The following DOCK1 variants were observed in gnomAD, a reference collection of about 807,000 sequenced individuals.
DOCK1 encodes the protein dedicator of cytokinesis 1.
DOCK1 carries 138 observed loss-of-function variants against 262.7 expected under a neutral mutation model. The ratio of observed to expected loss-of-function variants is 0.53; its 90% CI spans 0.46 to 0.61. The LOEUF (loss-of-function observed/expected upper bound fraction) is 0.61. DOCK1 is among the 20% of genes least tolerant of loss of function. The pLI, the probability that DOCK1 is intolerant of heterozygous loss-of-function variation, is 0.00. For missense variants in DOCK1, 1,908 were observed against 2,370.7 expected (o/e 0.80, Z 4.05); for synonymous variants, 866 against 867.4 (o/e 1.00, Z 0.03).
intron 29 of DOCK1, among the ~76,000 whole-genome samples, chr10:127,320,424 C>T (rs577024420): frequency 6.6e-5 from 10 of 152,278 alleles, no homozygotes; most frequent in Admixed American, 4.6e-4. Context: ...CCCAGGGCTC[C>T]CTTGAGCGCG....
chr10:127,433,228 C>G, intron 47 of DOCK1, 55 bp from the exon 48 acceptor site: 1 of 1,599,298 alleles, frequency 6.3e-7, no homozygotes, highest in Non-Finnish European at 8.5e-7. Flanking sequence ...AGGAGTCTGA[C>G]CATGGCAGGC....
chr10:127,386,830 G>A (rs1025799442), intron 38 of DOCK1, among the ~76,000 whole-genome samples: 3 of 152,170 alleles, frequency 2.0e-5, no homozygotes, highest in Non-Finnish European at 4.4e-5. Context: ...CAAAAAGGTT[G>A]GGGACCGCTG....
chr10:127,225,803 G>T (rs1042634925), intron 27 of DOCK1, among the ~76,000 whole-genome samples: 5 of 152,184 alleles, frequency 3.3e-5, no homozygotes, highest in Admixed American at 6.5e-5. Context: ...AGTTGGACGG[G>T]CATGGTGGCT....
chr10:127,424,294 G>A (rs115381860), intron 46 of DOCK1, among the ~76,000 whole-genome samples: 70 of 152,260 alleles, frequency 4.6e-4, no homozygotes, highest in African/African-American at 1.7e-3. Context: ...TGCAGTTCGA[G>A]CAGCACAAGC....
chr10:127,384,692 A>G (rs1391080301), intron 37 of DOCK1, 98 bp from the exon 38 acceptor site: 2 of 1,364,214 alleles, frequency 1.5e-6, no homozygotes, highest in East Asian at 2.7e-5. Context: ...TGTCTCCAGA[A>G]CCGCGGCCCA....
rs186076574 is a variant in DOCK1, at chr10:126,980,730, A to G, written c.172-1188A>G. Among the ~76,000 whole-genome samples the G allele has an allele frequency of 1.0e-3, 148 of 145,892 alleles. 4 individuals are homozygous for G. In the East Asian group the frequency reaches 0.03, roughly 30 times the overall value. On this transcript the variant is annotated intron_variant, in intron 3 of 51. Transcript: ENST00000623213. ...CATCATTCAGGGCTGAATGCCGGGG[A>G]AACCCATGCAGAAGCTTCCATTCCC...
At chr10:127,402,584 C>G (rs1175743193) in intron 38 of DOCK1, 1 of 495,854 alleles carries the variant, frequency 2.0e-6, no homozygotes, top group Non-Finnish European at 4.1e-6. Flanking sequence ...CCTGTTATTT[C>G]TGATCATTGG....
intron 27 of DOCK1, among the ~76,000 whole-genome samples, chr10:127,182,092 C>T (rs1156381179): frequency 6.6e-6 from 1 of 152,042 alleles, no homozygotes; most frequent in Non-Finnish European, 1.5e-5. Context: ...ACTATGGCTC[C>T]TTGGAGGAAA....
intron 27 of DOCK1, among the ~76,000 whole-genome samples, chr10:127,212,993 A>C (rs1425160928): frequency 1.3e-5 from 2 of 152,224 alleles, no homozygotes; most frequent in African/African-American, 4.8e-5. Context: ...AGGATGTATG[A>C]AGTCAAAGCT....
At chr10:127,419,515 G>A (rs1222773235) in intron 45 of DOCK1, 151 bp from the exon 46 acceptor site, 3 of 687,936 alleles carry the variant, frequency 4.4e-6, no homozygotes, top group South Asian at 1.8e-5. Context: ...TGTCCTGGGT[G>A]CTGCGAAGGG....
At chr10:127,116,519 TGATA>T (rs2049189578) in intron 25 of DOCK1, among the ~76,000 whole-genome samples, 1 of 152,276 alleles carries the variant, frequency 6.6e-6, no homozygotes, top group East Asian at 1.9e-4. Context: ...ATTTGATCCA[TGATA>T]GAAATTTATA....
intron 1 of DOCK1, among the ~76,000 whole-genome samples, chr10:126,950,539 C>A (rs905762110): frequency 9.9e-5 from 15 of 152,068 alleles, no homozygotes; most frequent in African/African-American, 3.6e-4. Flanking sequence ...TTGTCACTGT[C>A]CCTTTGAAGC....
At chr10:127,157,397 G>C (rs1409859241) in intron 27 of DOCK1, among the ~76,000 whole-genome samples, 1 of 152,228 alleles carries the variant, frequency 6.6e-6, no homozygotes, top group Non-Finnish European at 1.5e-5. Context: ...TATAAAATGA[G>C]AGGCCCTTTG....
chr10:127,436,328 G>T (rs913665724), intron 48 of DOCK1, among the ~76,000 whole-genome samples: 20 of 152,060 alleles, frequency 1.3e-4, no homozygotes, highest in African/African-American at 4.6e-4. Flanking sequence ...ACCAGCCTAG[G>T]CAACATAACA....
In DOCK1 at chr10:127,012,277, A is replaced by G; in HGVS notation, c.1104A>G (p.Ser368=). The G allele has an allele frequency of 1.9e-6, 3 of 1,613,760 alleles. No individual in the cohort carries two copies. Among genetic ancestry groups the G allele is most frequent in the Non-Finnish European group, 2.5e-6 (3 of 1,179,736 alleles). ...TTCGACACAAGCCGCTGAACATGTC[A>G]TCCCGTTTTTCACCCAGGGTGGCAG... ...DAIRHKPLNM[S]SRFSPRVAGE... Residue 368 remains serine, a synonymous_variant, in exon 12 of 52, where the codon TCA becomes TCG. Coordinates refer to ENST00000623213, the MANE Select transcript of DOCK1 (RefSeq NM_001290223.2). The surrounding 1 kb of genome is among the most constrained non-coding windows in gnomAD (Gnocchi z 4.0).
intron 29 of DOCK1, among the ~76,000 whole-genome samples, chr10:127,274,766 A>G (rs1374714549): frequency 6.6e-6 from 1 of 152,164 alleles, no homozygotes; most frequent in Non-Finnish European, 1.5e-5. Context: ...GTGTTTCTCA[A>G]CCCTGTTTAT....
chr10:127,151,318 A>G (rs1041073357), intron 27 of DOCK1, among the ~76,000 whole-genome samples: 1 of 152,158 alleles, frequency 6.6e-6, no homozygotes, highest in African/African-American at 2.4e-5. Flanking sequence ...ACAGGACTCA[A>G]TGAAATAAAG....
At chr10:127,380,861 G>A (rs1178474161) in intron 36 of DOCK1, among the ~76,000 whole-genome samples, 1 of 152,102 alleles carries the variant, frequency 6.6e-6, no homozygotes, top group East Asian at 1.9e-4. Flanking sequence ...TAATAACTCA[G>A]TTACCTTTAT....
intron 23 of DOCK1, among the ~76,000 whole-genome samples, chr10:127,081,973 G>A (rs7084852): frequency 0.033 from 5,083 of 152,140 alleles, 276 homozygotes; most frequent in African/African-American, 0.12. Context: ...GGTTCTTCAC[G>A]CGAAAGCAGC....
Sources: allele counts gnomAD v4.1 joint callset (sites outside exome capture counted in the v4.1 genomes callset), GRCh38; gene constraint gnomAD v4.1.1; non-coding constraint Gnocchi (gnomAD v3.1); transcripts MANE v1.5; gene names NCBI Gene and HGNC (gene_info 2026-07-23, HGNC 2026-07-21).